The following NR6A1 variants were observed in gnomAD, a reference collection of about 807,000 sequenced individuals.
NR6A1 encodes the protein nuclear receptor subfamily 6 group A member 1.
A neutral mutation model predicts 59.1 loss-of-function variants in NR6A1; 7 were observed. The ratio of observed to expected loss-of-function variants is 0.12; its 90% CI spans 0.07 to 0.22. NR6A1 has a LOEUF of 0.22. NR6A1 is among the 10% of genes least tolerant of loss of function. The pLI is 1.00. For synonymous variants in NR6A1, 243 were observed against 236.1 expected, an observed-to-expected ratio of 1.03 and a Z score of -0.27; for missense variants, 468 against 611.6, an observed-to-expected ratio of 0.77 and a Z score of 2.48.
intron 2 of NR6A1, among the ~76,000 whole-genome samples, chr9:124,677,635 T>A (rs926033436): frequency 1.4e-4 from 22 of 152,070 alleles, no homozygotes; most frequent in African/African-American, 5.3e-4. Flanking sequence ...AGTTTTCTCA[T>A]ATGTATTATA....
chr9:124,707,146 A>G (rs1839156977), intron 2 of NR6A1, among the ~76,000 whole-genome samples: 1 of 152,000 alleles, frequency 6.6e-6, no homozygotes. Context: ...TTACATACAC[A>G]CTTGATGTCC....
intron 1 of NR6A1, among the ~76,000 whole-genome samples, chr9:124,767,513 G>GAAAAAAAAAAA (rs951834728): frequency 6.5e-5 from 5 of 76,518 alleles, no homozygotes; most frequent in Non-Finnish European, 8.9e-5. Flanking sequence ...TACAAAAAAA[G>GAAAAAAAAAAA]AAAAAAAAAA....
intron 2 of NR6A1, chr9:124,598,992 G>C: frequency 1.4e-6 from 1 of 736,292 alleles, no homozygotes; most frequent in Non-Finnish European, 2.5e-6. Context: ...GGCGTGTAGT[G>C]GTTGGCACAA....
chr9:124,628,648 T>C (rs921012747), intron 2 of NR6A1, among the ~76,000 whole-genome samples: 5 of 151,924 alleles, frequency 3.3e-5, no homozygotes, highest in Non-Finnish European at 7.4e-5. Context: ...GCCTATTTTT[T>C]TTTTTTTAAA....
chr9:124,769,678 G>A (rs879304912), intron 1 of NR6A1, among the ~76,000 whole-genome samples: 5 of 152,228 alleles, frequency 3.3e-5, no homozygotes, highest in Non-Finnish European at 5.9e-5. Flanking sequence ...CGCAGCGAGG[G>A]GAGGAGGCAC....
intron 2 of NR6A1, among the ~76,000 whole-genome samples, chr9:124,646,632 C>CTAACAA (rs935377733): frequency 1.3e-5 from 2 of 151,918 alleles, no homozygotes; most frequent in Non-Finnish European, 1.5e-5. Flanking sequence ...CATAAAATAC[C>CTAACAA]TAACACTAAC....
chr9:124,574,879 A>G (rs16927537), intron 2 of NR6A1, among the ~76,000 whole-genome samples: 2,236 of 152,286 alleles, frequency 0.015, 81 homozygotes, highest in East Asian at 0.11. Context: ...TAAAGTATAC[A>G]CTCTACAACT....
At chr9:124,759,119 C>T (rs932874373) in intron 1 of NR6A1, among the ~76,000 whole-genome samples, 2 of 152,186 alleles carry the variant, frequency 1.3e-5, no homozygotes, top group African/African-American at 4.8e-5. Flanking sequence ...CCCACACTGC[C>T]TATCCTCTTT....
intron 2 of NR6A1, among the ~76,000 whole-genome samples, chr9:124,629,317 T>C (rs1426232722): frequency 6.6e-6 from 1 of 151,908 alleles, no homozygotes; most frequent in African/African-American, 2.4e-5. Flanking sequence ...AAAGTGAGAC[T>C]GTATTTTCCT....
intron 2 of NR6A1, among the ~76,000 whole-genome samples, chr9:124,632,558 T>C (rs1186495295): frequency 6.6e-6 from 1 of 152,226 alleles, no homozygotes; most frequent in Non-Finnish European, 1.5e-5. Context: ...ATGCTGGATA[T>C]TAGACCTTTG....
intron 1 of NR6A1, among the ~76,000 whole-genome samples, chr9:124,755,924 T>C (rs1188229279): frequency 1.3e-5 from 2 of 152,300 alleles, no homozygotes; most frequent in East Asian, 1.9e-4. Context: ...GGGGAAAAGA[T>C]AGATCTTTTC....
rs531895562 is a variant in NR6A1, at chr9:124,691,718, A to G, written c.142+41590T>C. On this transcript the variant is annotated intron_variant, in intron 2 of 9. Transcript: ENST00000487099. ...TTTTTGGTTTATTTTTTGCTTTTTCAATATGGAAAATAGCTTGTGGACTAT... is the reference window on the plus strand; with the variant it reads ...TTTTTGGTTTATTTTTTGCTTTTTCGATATGGAAAATAGCTTGTGGACTAT... 7.9e-5 allele frequency among the ~76,000 whole-genome samples: 12 copies of G among 152,272 alleles called. 1 individual carries two copies. The South Asian group carries it at 2.5e-3, about 32-fold the overall frequency.
chr9:124,648,209 G>A (rs1402016797), intron 2 of NR6A1, among the ~76,000 whole-genome samples: 1 of 152,110 alleles, frequency 6.6e-6, no homozygotes, highest in Admixed American at 6.6e-5. Context: ...AAAACCAGGT[G>A]AGACATAGTG....
chr9:124,540,548 C>A (rs1185289520), intron 4 of NR6A1, among the ~76,000 whole-genome samples: 2 of 152,174 alleles, frequency 1.3e-5, no homozygotes, highest in Non-Finnish European at 2.9e-5. Flanking sequence ...TCTTGCCAGG[C>A]ATGGTGGCTC....
chr9:124,764,463 A>G (rs1416415594), intron 1 of NR6A1, among the ~76,000 whole-genome samples: 1 of 151,496 alleles, frequency 6.6e-6, no homozygotes, highest in Non-Finnish European at 1.5e-5. Flanking sequence ...TTAGACCTCC[A>G]AAATGCTCTT....
At chr9:124,730,835 G>A (rs1839862838) in intron 2 of NR6A1, among the ~76,000 whole-genome samples, 1 of 152,110 alleles carries the variant, frequency 6.6e-6, no homozygotes, top group Non-Finnish European at 1.5e-5. Context: ...GGTACTAAAT[G>A]CTAAACTAGA....
At chr9:124,630,359 T>C (rs560581540) in intron 2 of NR6A1, among the ~76,000 whole-genome samples, 20 of 151,296 alleles carry the variant, frequency 1.3e-4, no homozygotes, top group Admixed American at 2.6e-4. Flanking sequence ...AGTAGCTGAG[T>C]AGCTAGTAGC....
At chr9:124,606,191 CCTAG>C (rs1206110161) in intron 2 of NR6A1, among the ~76,000 whole-genome samples, 3 of 152,128 alleles carry the variant, frequency 2.0e-5, no homozygotes, top group African/African-American at 4.8e-5. Flanking sequence ...GTTACTTCTG[CCTAG>C]CTAGTTTCCA....
chr9:124,696,395 T>C (rs1268004058), intron 2 of NR6A1, among the ~76,000 whole-genome samples: 1 of 152,198 alleles, frequency 6.6e-6, no homozygotes, highest in African/African-American at 2.4e-5. Context: ...AATAAAAGCC[T>C]ACTGGCTGAC....
Sources: gnomAD v4.1 joint callset for allele counts (sites outside exome capture counted in the v4.1 genomes callset) on GRCh38, gnomAD v4.1.1 for gene constraint, MANE v1.5 for transcripts, NCBI Gene and HGNC (gene_info 2026-07-23, HGNC 2026-07-21) for gene names.